PSMC2: variants seen among roughly 807,000 people sequenced by gnomAD.
PSMC2 encodes 26S proteasome regulatory subunit 7.
In PSMC2, 7 loss-of-function variants were observed where a neutral mutation model predicts 53.3. The ratio of observed to expected loss-of-function variants is 0.13; its 90% CI spans 0.07 to 0.25. The LOEUF is 0.25. PSMC2 is among the 10% of genes least tolerant of loss of function. The probability of loss-of-function intolerance (pLI) is 1.00; values close to 1 mark genes in which losing one functional copy is unlikely to be tolerated. For missense variants in PSMC2, 241 were observed against 544.0 expected, an observed-to-expected ratio of 0.44 and a Z score of 5.54; for synonymous variants, 169 against 183.9, an observed-to-expected ratio of 0.92 and a Z score of 0.66.
chr7:103,368,213 G>A lies in PSMC2; in HGVS notation c.*159G>A. 1.5e-6 allele frequency: 1 copy of A among 683,986 alleles called. No individual in the cohort carries two copies. The highest frequency in any genetic ancestry group is 2.3e-6 in the Non-Finnish European group (1 of 439,672). 42.4% of individuals were successfully genotyped at this position (683,986 alleles called of 1,614,324 possible). ...TAAAAGGTGATTTCTAATGTTATTA[G>A]GCAGAAAAGCTTGTTAGAATATATT... On this transcript the variant is annotated 3_prime_UTR_variant, in exon 12 of 12. Coordinates refer to ENST00000292644, the MANE Select transcript of PSMC2 (RefSeq NM_002803.4).
In PSMC2 at chr7:103,367,943, C is replaced by G. The variant is rs760946308; in HGVS notation, c.1191C>G (p.Ile397Met). The G allele has an allele frequency of 6.2e-7, 1 of 1,614,034 alleles. No individual in the cohort carries two copies. The highest frequency in any genetic ancestry group is 1.1e-5 in the South Asian group (1 of 91,068). ...SVCTEAGMFAIRARRKIATEK... is the reference protein window; with the variant it reads ...SVCTEAGMFAMRARRKIATEK... ...GCACAGAGGCTGGTATGTTTGCCAT[C>G]AGAGCACGGCGAAAAATTGCTACCG... Residue 397 changes from isoleucine (I) to methionine (M), a missense_variant, in exon 12 of 12, where the codon ATC (isoleucine) becomes ATG (methionine). Around this residue, in one of 6 missense-constraint regions of PSMC2, gnomAD observed 60 missense variants for 115.8 expected, o/e 0.52. Coordinates refer to ENST00000292644, the MANE Select transcript of PSMC2 (RefSeq NM_002803.4). The surrounding 1 kb of genome is among the most constrained non-coding windows in gnomAD (Gnocchi z 6.1).
upstream of PSMC2, chr7:103,347,545 G>A (rs1230956647): frequency 4.5e-6 from 3 of 666,850 alleles, no homozygotes; most frequent in South Asian, 1.8e-5. Flanking sequence ...AAAAACCAGC[G>A]TGCCAAAGCG....
At position 103,368,868 on chromosome 7, in the gene PSMC2, G is replaced by T. The variant is rs1820864972; in HGVS notation, c.*814G>T. The T allele has an allele frequency of 6.6e-6, 1 of 152,092 alleles. No individual in the cohort carries two copies. The highest frequency in any genetic ancestry group is 6.5e-5 in the Admixed American group (1 of 15,268). The allele number at this position is 152,092 out of a possible 1,614,324, so 9.4% of individuals were successfully genotyped here. A position where few individuals can be genotyped will look rare whatever the true frequency, so the allele number is the denominator to read the frequency against. Reference sequence around the variant, plus strand: ...ACTTTAAAATTTTGGTAAAGTTTCTGTTAGGCTTCTGGTCTACAGTGAGGT... The same window carrying T: ...ACTTTAAAATTTTGGTAAAGTTTCTTTTAGGCTTCTGGTCTACAGTGAGGT... On this transcript the variant is annotated 3_prime_UTR_variant, in exon 12 of 12. Coordinates refer to ENST00000292644, the MANE Select transcript of PSMC2 (RefSeq NM_002803.4).
In PSMC2 at chr7:103,367,397, C is replaced by T. The variant is rs1190765121; in HGVS notation, c.845-16C>T. On this transcript the variant is annotated splice_polypyrimidine_tract_variant and intron_variant, in intron 9 of 11. Transcript: ENST00000292644. This position sits in a 1 kb window ranked among gnomAD's most constrained non-coding sequence, Gnocchi z 6.1. ...GAGTGGACTTGAAGAGCTTATCTTTCCTTTTGTCTTCTCAGGGGCTCGTTT... is the reference window on the plus strand; with the variant it reads ...GAGTGGACTTGAAGAGCTTATCTTTTCTTTTGTCTTCTCAGGGGCTCGTTT... 13 of 1,612,316 alleles carry T rather than the reference C, an allele frequency of 8.1e-6. No homozygotes were observed. The highest frequency in any genetic ancestry group is 1.3e-5 in the African/African-American group (1 of 74,850).
At chr7:103,364,532 CTCA>C (rs1820589020) in intron 8 of PSMC2, among the ~76,000 whole-genome samples, 1 of 152,150 alleles carries the variant, frequency 6.6e-6, no homozygotes, top group African/African-American at 2.4e-5. Flanking sequence ...ATCTCAGCCT[CTCA>C]GGTAGCTGAG....
rs1383862775 is a variant in PSMC2 at position 103,367,881 on chromosome 7, T to C, written c.1145-16T>C. The C allele has an allele frequency of 1.2e-6, 2 of 1,611,792 alleles. No individual in the cohort carries two copies. Among genetic ancestry groups the C allele is most frequent in the Non-Finnish European group, 8.5e-7 (1 of 1,179,112 alleles). On this transcript the variant is annotated splice_polypyrimidine_tract_variant and intron_variant, in intron 11 of 11. Transcript: ENST00000292644. The surrounding 1 kb of genome is among the most constrained non-coding windows in gnomAD (Gnocchi z 6.1). ...CTGCTTTAATTAAGCCCGTTTATTT[T>C]CTTTTTGTTTGAAAGGTGCTGAGAT...
intron 4 of PSMC2, among the ~76,000 whole-genome samples, chr7:103,359,133 T>A (rs1395138458): frequency 1.5e-5 from 2 of 131,230 alleles, no homozygotes; most frequent in Non-Finnish European, 3.2e-5. Flanking sequence ...CCACCCCATG[T>A]CTGGCTTTTT....
rs567068748 is a variant in PSMC2, at chr7:103,362,392, T to C, written c.423-294T>C. On this transcript the variant is annotated intron_variant, in intron 5 of 11. Coordinates refer to ENST00000292644, the MANE Select transcript of PSMC2 (RefSeq NM_002803.4). ...GGGAGTACTTGCTTTAGGATAGTTG[T>C]GATGCTAAGTGTGTTAATGTCTATA... The C allele has an allele frequency of 8.3e-5, 111 of 1,334,564 alleles. 1 individual carries two copies. In the South Asian group the frequency reaches 1.7e-3, roughly 21 times the overall value. 82.7% of individuals were successfully genotyped at this position (1,334,564 alleles called of 1,614,324 possible). A position where few individuals can be genotyped will look rare whatever the true frequency, so the allele number is the denominator to read the frequency against.
intron 2 of PSMC2, among the ~76,000 whole-genome samples, chr7:103,354,365 A>ATTTT (rs752847513): frequency 3.0e-5 from 4 of 134,536 alleles, no homozygotes; most frequent in Non-Finnish European, 4.8e-5. Flanking sequence ...TTCACACACG[A>ATTTT]TTTTTTTTTT....
At chr7:103,364,341 G>T (rs1164454865) in intron 8 of PSMC2, 34 bp downstream of exon 8, 3 of 1,607,764 alleles carry the variant, frequency 1.9e-6, no homozygotes, top group Admixed American at 1.7e-5. Context: ...ATATAGCCTT[G>T]TGAAAGATTT....
Position 103,368,264 on chromosome 7 carries a change from G to GT in PSMC2, c.*213dup, listed in dbSNP as rs1489910097. 5 of 502,322 alleles carry GT rather than the reference G, an allele frequency of 1.0e-5. No individual in the cohort carries two copies. Among genetic ancestry groups the GT allele is most frequent in the Non-Finnish European group, 1.7e-5 (5 of 295,618 alleles). The allele number at this position is 502,322 out of a possible 1,614,324, so 31.1% of individuals were successfully genotyped here. A position where few individuals can be genotyped will look rare whatever the true frequency, so the allele number is the denominator to read the frequency against. ...TTGACTATTTTTTTGACCCACACCCGTTTAAGGATTTCACATCATACAAAG... is the reference window on the plus strand; with the variant it reads ...TTGACTATTTTTTTGACCCACACCCGTTTTAAGGATTTCACATCATACAAAG... On this transcript the variant is annotated 3_prime_UTR_variant, in exon 12 of 12. Coordinates refer to ENST00000292644, the MANE Select transcript of PSMC2 (RefSeq NM_002803.4).
intron 1 of PSMC2, among the ~76,000 whole-genome samples, chr7:103,348,259 T>C (rs1430204850): frequency 6.6e-6 from 1 of 152,224 alleles, no homozygotes; most frequent in Non-Finnish European, 1.5e-5. Flanking sequence ...CCTCGCATCC[T>C]TGGCCCCAGC....
At chr7:103,364,958 C>T (rs867976936) in intron 8 of PSMC2, among the ~76,000 whole-genome samples, 2,684 of 125,456 alleles carry the variant, frequency 0.021, 56 homozygotes, top group Non-Finnish European at 0.036. Context: ...TGTAGACATA[C>T]ATATATATAT....
rs1820003213 is a variant in PSMC2 at position 103,355,856 on chromosome 7, G to A, written c.290+63G>A. 6.0e-6 allele frequency: 7 copies of A among 1,174,086 alleles called. No individual in the cohort carries two copies. In the East Asian group the frequency reaches 1.4e-4, roughly 24 times the overall value. The allele number at this position is 1,174,086 out of a possible 1,614,324, so 72.7% of individuals were successfully genotyped here. On this transcript the variant is annotated intron_variant, in intron 4 of 11. Transcript: ENST00000292644. The stretch of plus-strand genomic sequence containing the variant: ...GTATTTTCAAGCACTTAATGTTAGA[G>A]TCTCAGGGATAATGCAATAGTTCAT...
At chr7:103,348,031 C>A (rs768058052) in intron 1 of PSMC2, among the ~76,000 whole-genome samples, 1 of 152,174 alleles carries the variant, frequency 6.6e-6, no homozygotes, top group African/African-American at 2.4e-5. Flanking sequence ...GAAGAAGTCA[C>A]GCACCCTGCT....
chr7:103,364,418 T>A lies in PSMC2; in HGVS notation c.756+111T>A, dbSNP rs544755950. Reference sequence around the variant, plus strand: ...GGATCCAGACCTGAAATTTCTTTTTTCTTTTGTTGAGACAGAGTCTCATTG... The same window carrying A: ...GGATCCAGACCTGAAATTTCTTTTTACTTTTGTTGAGACAGAGTCTCATTG... On this transcript the variant is annotated intron_variant, in intron 8 of 11. Transcript: ENST00000292644. 9.5e-6 allele frequency: 12 copies of A among 1,263,726 alleles called. No individual in the cohort carries two copies. The South Asian group carries it at 1.7e-4, about 18-fold the overall frequency. The allele number at this position is 1,263,726 out of a possible 1,614,324, so 78.3% of individuals were successfully genotyped here.
chr7:103,355,682 TTCTC>T lies in PSMC2; in HGVS notation c.191-10_191-7del. 3 of 1,602,686 alleles carry T rather than the reference TTCTC, an allele frequency of 1.9e-6. No homozygotes were observed. Among genetic ancestry groups the T allele is most frequent in the Non-Finnish European group, 2.6e-6 (3 of 1,169,844 alleles). On this transcript the variant is annotated splice_polypyrimidine_tract_variant and splice_region_variant and intron_variant, in intron 3 of 11. Coordinates refer to ENST00000292644, the MANE Select transcript of PSMC2 (RefSeq NM_002803.4). The stretch of plus-strand genomic sequence containing the variant: ...TACATTTTAGTAAATTTTGTCATCT[TTCTC>T]TATGTAGGTATTAAAGAATCTGACA...
intron 4 of PSMC2, among the ~76,000 whole-genome samples, chr7:103,356,103 C>T (rs1820017338): frequency 6.6e-6 from 1 of 151,906 alleles, no homozygotes; most frequent in Non-Finnish European, 1.5e-5. Flanking sequence ...GTTTGGCCCT[C>T]GTAATCCTCT....
At chr7:103,362,789 T>C in intron 6 of PSMC2, 31 bp downstream of exon 6, 2 of 1,274,890 alleles carry the variant, frequency 1.6e-6, no homozygotes, top group Non-Finnish European at 1.1e-6. Context: ...AAAGGAAGGC[T>C]ATGTCTTTTT....
Sources: gnomAD v4.1 joint callset for allele counts (sites outside exome capture counted in the v4.1 genomes callset) on GRCh38, gnomAD v4.1.1 for gene constraint, gnomAD v4.1.1 regional missense constraint, Gnocchi (gnomAD v3.1) non-coding constraint, MANE v1.5 for transcripts, NCBI Gene and HGNC (gene_info 2026-07-23, HGNC 2026-07-21) for gene names.